The following MACF1 variants were observed in gnomAD, a reference collection of about 807,000 sequenced individuals.
MACF1 encodes microtubule-actin cross-linking factor 1.
In MACF1, 193 loss-of-function variants were observed where a neutral mutation model predicts 854.8. The ratio of observed to expected loss-of-function variants is 0.23; its 90% CI spans 0.20 to 0.25. The LOEUF is 0.25. Among genes scored for constraint, MACF1 ranks in the 10% least tolerant of loss-of-function variants. The probability of loss-of-function intolerance (pLI) is 1.00; values close to 1 mark genes in which losing one functional copy is unlikely to be tolerated. For synonymous variants in MACF1, 3,185 were observed against 3,226.7 expected (o/e 0.99, Z 0.44); for missense variants, 7,722 against 8,929.1 (o/e 0.86, Z 5.45).
At chr1:39,138,955 G>A (rs930179047) in intron 2 of MACF1, among the ~76,000 whole-genome samples, 2 of 152,166 alleles carry the variant, frequency 1.3e-5, no homozygotes, top group African/African-American at 2.4e-5. Flanking sequence ...GTAAGCCACC[G>A]CGCCTGGCCT....
chr1:39,416,493 GAA>G (rs60052765), intron 58 of MACF1, among the ~76,000 whole-genome samples: 1 of 111,708 alleles, frequency 9.0e-6, no homozygotes, highest in African/African-American at 3.1e-5. Context: ...AAAATAAAAA[GAA>G]AAAAAAAAAA....
intron 1 of MACF1, among the ~76,000 whole-genome samples, chr1:39,225,468 G>A (rs546428664): frequency 1.5e-4 from 22 of 151,718 alleles, no homozygotes; most frequent in East Asian, 7.8e-4. Flanking sequence ...CACCCGCCTC[G>A]GCCTCCCAAA....
chr1:39,420,061 T>G (rs1240988434), intron 58 of MACF1, among the ~76,000 whole-genome samples: 1 of 152,236 alleles, frequency 6.6e-6, no homozygotes, highest in Admixed American at 6.5e-5. Flanking sequence ...GAGTAACCAC[T>G]GGCCATATGT....
At chr1:39,265,559 C>G (rs1248583464) in intron 6 of MACF1, among the ~76,000 whole-genome samples, 1 of 152,122 alleles carries the variant, frequency 6.6e-6, no homozygotes, top group African/African-American at 2.4e-5. Flanking sequence ...ATTAGCTAAC[C>G]GTTGAGCATT....
chr1:39,120,137 G>A (rs1642661321), intron 2 of MACF1, among the ~76,000 whole-genome samples: 1 of 151,970 alleles, frequency 6.6e-6, no homozygotes, highest in South Asian at 2.1e-4. Flanking sequence ...ACCTGTCTTG[G>A]CCTCCGAAAG....
At chr1:39,438,130 T>C (rs751240511) in intron 71 of MACF1, 122 bp downstream of exon 71, 3 of 866,938 alleles carry the variant, frequency 3.5e-6, no homozygotes, top group South Asian at 1.8e-5. Flanking sequence ...CAGTAATGAG[T>C]ATTCCAGAAA....
chr1:39,469,488 C>G, intron 96 of MACF1, 59 bp from the exon 97 acceptor site: 3 of 1,295,434 alleles, frequency 2.3e-6, no homozygotes, highest in South Asian at 1.3e-5. Flanking sequence ...TCTTTCTTGA[C>G]TAGTTTCTGC....
Position 39,485,721 on chromosome 1 carries a change from A to G in MACF1, c.22595A>G (p.Lys7532Arg). 6.2e-7 allele frequency: 1 copy of G among 1,613,740 alleles called. No individual in the cohort carries two copies. The change falls in exon 101 of 101, where the codon AAA becomes AGA. Residue 7532 changes from lysine to arginine, a missense_variant. By Grantham distance (26) the Lys-to-Arg change is conservative. Around this residue, in one of 15 missense-constraint regions of MACF1, gnomAD observed 185 missense variants for 225.7 expected, o/e 0.82. Transcript: ENST00000564288. ...GGCAACTCCAGGAGAGGGCTAAACA[A>G]ACCTTCCAAAATCCCAACCATGTCT... Reference protein sequence around the residue: ...GQGNSRRGLNKPSKIPTMSKK... With the variant: ...GQGNSRRGLNRPSKIPTMSKK...
intron 51 of MACF1, among the ~76,000 whole-genome samples, chr1:39,371,806 T>C (rs1214280986): frequency 6.6e-6 from 1 of 150,882 alleles, no homozygotes; most frequent in Admixed American, 6.7e-5. Context: ...CAAACTCTTA[T>C]CTTTCTTTGC....
intron 100 of MACF1, chr1:39,484,977 A>T (rs1023066678): frequency 1.8e-6 from 1 of 557,606 alleles, no homozygotes; most frequent in African/African-American, 1.9e-5. Context: ...ATCAGAAATG[A>T]TCACATTTGA....
intron 36 of MACF1, among the ~76,000 whole-genome samples, chr1:39,330,731 A>T (rs963709054): frequency 6.6e-6 from 1 of 151,854 alleles, no homozygotes; most frequent in Non-Finnish European, 1.5e-5. Flanking sequence ...TTGCTTCAGA[A>T]TATTTCCTAC....
rs1329246769 is a variant in MACF1 at position 39,194,333 on chromosome 1, TTTCTTTTCTTTTCTTTTC to T, written c.221-36846_221-36829del. ...AGAAGTGGAATTTCTTTTCTTTTCT[TTTCTTTTCTTTTCTTTTC>T]TTTTTTTTTTTTTTTTTTTTGTGAT... is the stretch of plus-strand genomic sequence containing the variant. On this transcript the variant is annotated intron_variant, in intron 2 of 93. Transcript: ENST00000361689. Among the ~76,000 whole-genome samples, 220 of 64,576 alleles carry T rather than the reference TTTCTTTTCTTTTCTTTTC, an allele frequency of 3.4e-3. 7 individuals are homozygous for T. Among genetic ancestry groups the T allele is most frequent in the Admixed American group, 6.2e-3 (39 of 6,250 alleles). The allele number at this position is 64,576 out of a possible 152,430, so 42.4% of individuals were successfully genotyped here.
At chr1:39,442,951 G>A in intron 78 of MACF1, 40 bp downstream of exon 78, 1 of 1,579,056 alleles carries the variant, frequency 6.3e-7, no homozygotes, top group Non-Finnish European at 8.6e-7. Context: ...GAGCTATACA[G>A]ATAACAGAAA....
At position 39,465,101 on chromosome 1, in the gene MACF1, C is replaced by T; in HGVS notation, c.21760C>T (p.Leu7254Phe). The change falls in exon 95 of 101, where the codon CTC (leucine) becomes TTC (phenylalanine). Residue 7254 changes from leucine (L) to phenylalanine (F), a missense_variant. Physicochemically the swap from Leu to Phe is conservative, Grantham distance 22. Coordinates refer to ENST00000564288, the MANE Select transcript of MACF1 (RefSeq NM_001394062.1). ...TACTCTTTACTGTCTATAGTTCTTC[C>T]TCGGCAATCAGGTACAGTGTGCCTT... ...QIGENKYRFF[L>F]GNQFGDSQQL... 1 of 1,612,696 alleles carries T rather than the reference C, an allele frequency of 6.2e-7. No homozygotes were observed. Among genetic ancestry groups the T allele is most frequent in the Non-Finnish European group, 8.5e-7 (1 of 1,179,222 alleles).
At chr1:39,090,642 G>C (rs1052591463) in intron 2 of MACF1, among the ~76,000 whole-genome samples, 2 of 152,224 alleles carry the variant, frequency 1.3e-5, no homozygotes, top group South Asian at 2.1e-4. Flanking sequence ...ATGGCAGTTT[G>C]GCTCATGCCT....
At chr1:39,189,259 G>A (rs1299988383) in intron 2 of MACF1, among the ~76,000 whole-genome samples, 2 of 152,156 alleles carry the variant, frequency 1.3e-5, no homozygotes, top group Non-Finnish European at 2.9e-5. Context: ...ATTTCCTGCA[G>A]GCACTTAGCA....
chr1:39,234,833 G>A (rs1272601271), intron 2 of MACF1, among the ~76,000 whole-genome samples: 1 of 37,486 alleles, frequency 2.7e-5, no homozygotes. Flanking sequence ...AGACGGGGTC[G>A]CGGCTGGGCA....
chr1:39,171,925 C>T (rs2148222215), intron 2 of MACF1, among the ~76,000 whole-genome samples: 1 of 152,318 alleles, frequency 6.6e-6, no homozygotes, highest in Admixed American at 6.5e-5. Flanking sequence ...CACGCCCGGC[C>T]CAGACATTAT....
intron 35 of MACF1, among the ~76,000 whole-genome samples, chr1:39,325,971 T>C (rs1282266500): frequency 3.3e-5 from 5 of 152,144 alleles, no homozygotes; most frequent in Admixed American, 2.6e-4. Flanking sequence ...TCTAACTGGA[T>C]TTACCTAGCA....
Sources: gnomAD v4.1 joint callset for allele counts (sites outside exome capture counted in the v4.1 genomes callset) on GRCh38, gnomAD v4.1.1 for gene constraint, gnomAD v4.1.1 regional missense constraint, MANE v1.5 for transcripts, NCBI Gene and HGNC (gene_info 2026-07-23, HGNC 2026-07-21) for gene names.